ANXA3: variants seen among roughly 807,000 people sequenced by gnomAD.
ANXA3 encodes the protein annexin A3, also known as 35-alpha calcimedin.
Under a neutral mutation model 48.8 loss-of-function variants are expected in ANXA3, and 46 were observed. The observed-to-expected ratio is 0.94, with a 90% CI of 0.74 to 1.21. The LOEUF (loss-of-function observed/expected upper bound fraction) is 1.21. Ranked by LOEUF, ANXA3 falls within the 50% of genes most tolerant of loss-of-function variation. The probability of loss-of-function intolerance (pLI) is 0.00; values close to 1 mark genes in which losing one functional copy is unlikely to be tolerated. For missense variants in ANXA3, 383 were observed against 378.6 expected, an observed-to-expected ratio of 1.01 and a Z score of -0.10; for synonymous variants, 128 against 134.7, an observed-to-expected ratio of 0.95 and a Z score of 0.35.
At chr4:78,594,570 A>G (rs1587222) in intron 7 of ANXA3, among the ~76,000 whole-genome samples, 110,578 of 152,150 alleles carry the variant, frequency 0.73, 40,457 homozygotes, top group East Asian at 0.88. Context: ...TTTTGGATTT[A>G]AGCCCTTCTA....
rs937096321 is a variant in ANXA3, at chr4:78,606,254, T to G, written c.912+1855T>G. Among the ~76,000 whole-genome samples, 61 of 152,210 alleles carry G rather than the reference T, an allele frequency of 4.0e-4. 1 individual carries two copies. The highest frequency in any genetic ancestry group is 6.5e-5 in the Admixed American group (1 of 15,282). On this transcript the variant is annotated intron_variant, in intron 12 of 12. Transcript: ENST00000264908. ...GGACCCAGGTGAACTCTCCAAGGTCTAAGCTGAGACTTGGGGCCTAGAAGG... is the reference window on the plus strand; with the variant it reads ...GGACCCAGGTGAACTCTCCAAGGTCGAAGCTGAGACTTGGGGCCTAGAAGG...
At chr4:78,588,754 T>C (rs1723229534) in intron 6 of ANXA3, among the ~76,000 whole-genome samples, 1 of 152,162 alleles carries the variant, frequency 6.6e-6, no homozygotes. Flanking sequence ...AGCCGTCAGA[T>C]AGCTTGCACT....
At position 78,554,483 on chromosome 4, in the gene ANXA3, A is replaced by C; in HGVS notation, c.10A>C (p.Ile4Leu). Residue 4 changes from isoleucine to leucine, a missense_variant, in exon 2 of 13, where the codon ATC (isoleucine) becomes CTC (leucine). Physicochemically the swap from Ile to Leu is conservative, Grantham distance 5 (BLOSUM62 2). Coordinates refer to ENST00000264908, the MANE Select transcript of ANXA3 (RefSeq NM_005139.3). ...GCAAAGGTGGGATATCATGGCATCT[A>C]TCTGGGTAAGTAAAAATTAAGCCTT... The part of the protein sequence containing the change: MAS[I>L]WVGHRGTVRD... The C allele has an allele frequency of 1.9e-6, 3 of 1,613,268 alleles. No homozygotes were observed. The African/African-American group carries it at 4.0e-5, about 22-fold the overall frequency.
At chr4:78,602,628 T>G (rs1201700406) in intron 11 of ANXA3, 1 of 152,224 alleles carries the variant, frequency 6.6e-6, no homozygotes, top group Non-Finnish European at 1.5e-5. Context: ...GAGTACAGAC[T>G]CCTGTTTATC....
intron 7 of ANXA3, among the ~76,000 whole-genome samples, chr4:78,593,113 CCACA>C (rs59972919): frequency 0.019 from 2,792 of 144,000 alleles, 80 homozygotes; most frequent in African/African-American, 0.061. Context: ...AACACACATA[CCACA>C]CACACACACA....
chr4:78,554,307 C>A, intron 1 of ANXA3, 129 bp from the exon 2 acceptor site: 1 of 672,878 alleles, frequency 1.5e-6, no homozygotes, highest in Non-Finnish European at 2.6e-6. Flanking sequence ...CAGATATATG[C>A]TCTTCCTGAG....
At chr4:78,604,106 G>A (rs1391256241) in intron 11 of ANXA3, 171 bp from the exon 12 acceptor site, 2 of 565,250 alleles carry the variant, frequency 3.5e-6, no homozygotes, top group Non-Finnish European at 5.6e-6. Flanking sequence ...CACAGAGTAG[G>A]TGCTCAACAA....
chr4:78,575,233 G>GT (rs922216627), intron 3 of ANXA3, among the ~76,000 whole-genome samples: 19 of 151,464 alleles, frequency 1.3e-4, no homozygotes, highest in Non-Finnish European at 2.2e-4. Flanking sequence ...ATTGGCAAGA[G>GT]TTTTTTTATA....
intron 5 of ANXA3, among the ~76,000 whole-genome samples, chr4:78,585,244 A>G (rs1204799547): frequency 6.6e-6 from 1 of 152,216 alleles, no homozygotes; most frequent in Admixed American, 6.5e-5. Flanking sequence ...GTATTAGAAC[A>G]GTTTCTCTTT....
chr4:78,598,292 C>CT (rs57940281), intron 10 of ANXA3, among the ~76,000 whole-genome samples: 13,196 of 143,590 alleles, frequency 0.092, 1,913 homozygotes, highest in African/African-American at 0.31. Context: ...TTCTTTCTTT[C>CT]TTTTTTTTTT....
At chr4:78,601,417 G>C (rs1057234863) in intron 10 of ANXA3, 93 bp from the exon 11 acceptor site, 1 of 1,203,378 alleles carries the variant, frequency 8.3e-7, no homozygotes, top group Admixed American at 1.8e-5. Flanking sequence ...TGGTATGACA[G>C]TCCAAAGAAT....
Position 78,595,687 on chromosome 4 carries a change from A to G in ANXA3, c.541-107A>G, listed in dbSNP as rs537243794. On this transcript the variant is annotated intron_variant, in intron 8 of 12. Coordinates refer to ENST00000264908, the MANE Select transcript of ANXA3 (RefSeq NM_005139.3). ...CTAGTCTTCTGAAAGTGAGAGATTT[A>G]GATAATAGATGATGGCACTGACCTC... 1.4e-5 allele frequency: 11 copies of G among 779,922 alleles called. No homozygotes were observed. The African/African-American group carries it at 1.8e-4, about 12-fold the overall frequency. 48.3% of individuals were successfully genotyped at this position (779,922 alleles called of 1,614,324 possible).
intron 2 of ANXA3, chr4:78,572,950 G>A: frequency 3.2e-6 from 2 of 617,116 alleles, no homozygotes; most frequent in Non-Finnish European, 6.0e-6. Context: ...CCAGGAATGA[G>A]CAAAGACAGC....
chr4:78,581,091 A>G (rs754954950), intron 4 of ANXA3, among the ~76,000 whole-genome samples: 22 of 152,184 alleles, frequency 1.4e-4, no homozygotes, highest in Non-Finnish European at 2.9e-4. Flanking sequence ...AGAGAGGAAA[A>G]AAACACTGTG....
At chr4:78,595,256 T>A in intron 7 of ANXA3, 125 bp from the exon 8 acceptor site, 1 of 1,030,846 alleles carries the variant, frequency 9.7e-7, no homozygotes, top group Non-Finnish European at 1.5e-6. Flanking sequence ...CCTGAGTACA[T>A]GATTTTTCTG....
At chr4:78,563,975 C>A (rs1381673605) in intron 2 of ANXA3, among the ~76,000 whole-genome samples, 1 of 152,188 alleles carries the variant, frequency 6.6e-6, no homozygotes, top group Non-Finnish European at 1.5e-5. Flanking sequence ...TGGTCAAGAA[C>A]TCTTAACTAG....
intron 3 of ANXA3, among the ~76,000 whole-genome samples, chr4:78,576,717 C>G (rs910680674): frequency 6.6e-6 from 1 of 152,124 alleles, no homozygotes; most frequent in South Asian, 2.1e-4. Context: ...GGCTTACAGG[C>G]CTTCTTTAAG....
At chr4:78,585,034 A>G (rs764990484) in intron 5 of ANXA3, among the ~76,000 whole-genome samples, 2 of 152,224 alleles carry the variant, frequency 1.3e-5, no homozygotes, top group Non-Finnish European at 2.9e-5. Flanking sequence ...GTTTACAGTC[A>G]TTGACTGACA....
intron 10 of ANXA3, among the ~76,000 whole-genome samples, chr4:78,600,011 G>T (rs1723502132): frequency 1.3e-5 from 2 of 152,224 alleles, no homozygotes; most frequent in South Asian, 4.2e-4. Context: ...AAGCACAAGG[G>T]CATGATCACT....
Sources: gnomAD v4.1 joint callset for allele counts (sites outside exome capture counted in the v4.1 genomes callset) on GRCh38, gnomAD v4.1.1 for gene constraint, MANE v1.5 for transcripts, NCBI Gene and HGNC (gene_info 2026-07-23, HGNC 2026-07-21) for gene names.